Variants in ZNF862 observed in about 807,000 individuals in gnomAD.
ZNF862 encodes the protein zinc finger protein 862.
A neutral mutation model predicts 91.1 loss-of-function variants in ZNF862; 64 were observed. That is an observed-to-expected ratio of 0.70 (90% CI 0.57 to 0.87). ZNF862 has a LOEUF of 0.87. Among genes scored for constraint, ZNF862 ranks in the 40% least tolerant of loss-of-function variants. The pLI, the probability that ZNF862 is intolerant of heterozygous loss-of-function variation, is 0.00. For synonymous variants in ZNF862, 631 were observed against 618.1 expected, an observed-to-expected ratio of 1.02 and a Z score of -0.31; for missense variants, 1,459 against 1,528.0, an observed-to-expected ratio of 0.95 and a Z score of 0.75.
intron 5 of ZNF862, chr7:149,858,389 C>T (rs368789656): frequency 6.6e-6 from 1 of 152,174 alleles, no homozygotes; most frequent in African/African-American, 2.4e-5. Context: ...CAATTTAACA[C>T]ACTTTAGTAA....
At chr7:149,863,609 T>G (rs1392023648) in intron 7 of ZNF862, among the ~76,000 whole-genome samples, 1 of 152,190 alleles carries the variant, frequency 6.6e-6, no homozygotes, top group Non-Finnish European at 1.5e-5. Context: ...AAAAATGATG[T>G]CAGGTGTGCC....
chr7:149,866,996 C>T lies in ZNF862; in HGVS notation c.*2712C>T, dbSNP rs1212973526. On this transcript the variant is annotated 3_prime_UTR_variant, in exon 8 of 8. Coordinates refer to ENST00000223210, the MANE Select transcript of ZNF862 (RefSeq NM_001099220.3). Reference sequence around the variant, plus strand: ...TCTGGGAGGGGAAGAAGCATGCACTCCCGCTTTGGCTGGAGTCCCAGCGCT... The same window carrying T: ...TCTGGGAGGGGAAGAAGCATGCACTTCCGCTTTGGCTGGAGTCCCAGCGCT... The T allele has an allele frequency of 2.0e-5, 3 of 152,332 alleles. No individual in the cohort carries two copies. Among genetic ancestry groups the T allele is most frequent in the South Asian group, 4.2e-4 (2 of 4,818 alleles). 9.4% of individuals were successfully genotyped at this position (152,332 alleles called of 1,614,324 possible).
chr7:149,859,430 G>A lies in ZNF862; in HGVS notation c.1126G>A (p.Ala376Thr), dbSNP rs368754892. Residue 376 changes from alanine to threonine, a missense_variant, in exon 6 of 8, where the codon GCT becomes ACT. Physicochemically the swap from Ala to Thr is moderately conservative, Grantham distance 58. Transcript: ENST00000223210. ...YELLASLGPA[A>T]AKPDLISKLE... ...CTTCATCCTTACAACAGGACCTGCC[G>A]CTGCCAAGCCAGACTTGATCTCCAA... The A allele has an allele frequency of 7.6e-6, 12 of 1,577,770 alleles. No individual in the cohort carries two copies. Among genetic ancestry groups the A allele is most frequent in the African/African-American group, 5.4e-5 (4 of 74,072 alleles).
In ZNF862 at chr7:149,860,732, G is replaced by T; in HGVS notation, c.1572G>T (p.Ala524=). The T allele has an allele frequency of 3.1e-6, 5 of 1,613,822 alleles. No individual in the cohort carries two copies. Among genetic ancestry groups the T allele is most frequent in the Non-Finnish European group, 3.4e-6 (4 of 1,179,898 alleles). The change falls in exon 7 of 8, where the codon GCG becomes GCT. Residue 524 remains alanine, a synonymous_variant. Transcript: ENST00000223210. ...ETLKYHEVSK[A]HRLCVNTVEI... Reference sequence around the variant, plus strand: ...TAAAATACCATGAAGTCAGCAAAGCGCACAGGCTCTGTGTCAACACGGTTG... The same window carrying T: ...TAAAATACCATGAAGTCAGCAAAGCTCACAGGCTCTGTGTCAACACGGTTG...
chr7:149,847,592 GGTGTGTGTGTGTGT>G (rs10569456), intron 3 of ZNF862, 129 bp from the exon 4 acceptor site: 735 of 530,838 alleles, frequency 1.4e-3, no homozygotes, highest in South Asian at 4.8e-3. Context: ...AGAAAATTCA[GGTGTGTGTGTGTGT>G]GTGTGTGTGT....
chr7:149,859,871 T>A, intron 6 of ZNF862: 1 of 304,358 alleles, frequency 3.3e-6, no homozygotes, highest in South Asian at 6.2e-5. Context: ...TCTCCAGTGC[T>A]CGGTGACAGC....
chr7:149,840,025 A>G (rs1030654340), intron 1 of ZNF862, among the ~76,000 whole-genome samples: 1 of 152,104 alleles, frequency 6.6e-6, no homozygotes, highest in Non-Finnish European at 1.5e-5. Context: ...CATGCGCTGT[A>G]TAACAAGGTT....
intron 5 of ZNF862, among the ~76,000 whole-genome samples, chr7:149,854,574 C>A (rs1333289731): frequency 6.6e-6 from 1 of 151,936 alleles, no homozygotes; most frequent in African/African-American, 2.4e-5. Flanking sequence ...CACAACTCTG[C>A]AGGTGGGGAG....
At position 149,866,465 on chromosome 7, in the gene ZNF862, CTCT is replaced by C. The variant is rs1480482754; in HGVS notation, c.*2184_*2186del. 1 of 152,228 alleles carries C rather than the reference CTCT, an allele frequency of 6.6e-6. No homozygotes were observed. Among genetic ancestry groups the C allele is most frequent in the Non-Finnish European group, 1.5e-5 (1 of 68,076 alleles). The allele number at this position is 152,228 out of a possible 1,614,324, so 9.4% of individuals were successfully genotyped here. On this transcript the variant is annotated 3_prime_UTR_variant, in exon 8 of 8. Coordinates refer to ENST00000223210, the MANE Select transcript of ZNF862 (RefSeq NM_001099220.3). ...TTCCAGCACACATGCTTCCTGCGGC[CTCT>C]TCATCCTTGAAGAATCCCTCAGAGC... is the stretch of plus-strand genomic sequence containing the variant.
Position 149,861,800 on chromosome 7 carries a change from G to C in ZNF862, c.2640G>C (p.Glu880Asp), listed in dbSNP as rs1336341786. The change falls in exon 7 of 8, where the codon GAG (glutamate) becomes GAC (aspartate). Residue 880 changes from glutamate to aspartate, a missense_variant. By Grantham distance (45) the Glu-to-Asp change is conservative (BLOSUM62 2). Coordinates refer to ENST00000223210, the MANE Select transcript of ZNF862 (RefSeq NM_001099220.3). This position sits in a 1 kb window ranked among gnomAD's most constrained non-coding sequence, Gnocchi z 6.7. ...TGGGCCGCGCCTACGTGGCACTGGAGAGCCTCCGTCACCAGGCAGGGCCCA... is the reference window on the plus strand; with the variant it reads ...TGGGCCGCGCCTACGTGGCACTGGACAGCCTCCGTCACCAGGCAGGGCCCA... Reference protein sequence around the residue: ...ATLGRAYVALESLRHQAGPKE... With the variant: ...ATLGRAYVALDSLRHQAGPKE... The C allele has an allele frequency of 1.2e-6, 2 of 1,613,672 alleles. No individual in the cohort carries two copies. Among genetic ancestry groups the C allele is most frequent in the East Asian group, 4.5e-5 (2 of 44,856 alleles).
At chr7:149,841,230 T>A in intron 1 of ZNF862, 3 of 985,440 alleles carry the variant, frequency 3.0e-6, no homozygotes, top group Non-Finnish European at 3.6e-6. Context: ...ACTGGGAGAC[T>A]ACCTCGTGAG....
intron 1 of ZNF862, among the ~76,000 whole-genome samples, chr7:149,840,569 C>T (rs1261616865): frequency 6.6e-6 from 1 of 152,096 alleles, no homozygotes; most frequent in Non-Finnish European, 1.5e-5. Flanking sequence ...CTCACTCACT[C>T]ACCCAGAGCA....
chr7:149,857,887 G>A (rs1802316418), intron 5 of ZNF862, among the ~76,000 whole-genome samples: 1 of 152,140 alleles, frequency 6.6e-6, no homozygotes, highest in African/African-American at 2.4e-5. Context: ...TTGGTCCATA[G>A]ACATGACTCG....
Position 149,848,272 on chromosome 7 carries a change from G to A in ZNF862, c.779G>A (p.Ser260Asn). 6.2e-7 allele frequency: 1 copy of A among 1,612,038 alleles called. No individual in the cohort carries two copies. Among genetic ancestry groups the A allele is most frequent in the Non-Finnish European group, 8.5e-7 (1 of 1,178,980 alleles). ...GFDSMAELLP[S>N]SRAELEDPGG... ...GATAGCATGGCTGAGCTCCTGCCAA[G>A]TTCAAGAGCTGAACTAGAGGACCCT... Residue 260 changes from serine (S) to asparagine (N), a missense_variant, in exon 4 of 8, where the codon AGT becomes AAT. Ser to Asn is a conservative substitution (Grantham distance 46). Coordinates refer to ENST00000223210, the MANE Select transcript of ZNF862 (RefSeq NM_001099220.3).
intron 5 of ZNF862, among the ~76,000 whole-genome samples, chr7:149,856,931 G>A (rs1802285248): frequency 6.6e-6 from 1 of 152,182 alleles, no homozygotes; most frequent in Admixed American, 6.5e-5. Context: ...TTCTAGGTTG[G>A]AAATACTTTT....
chr7:149,862,714 G>A (rs1482610049), intron 7 of ZNF862, among the ~76,000 whole-genome samples: 6 of 152,368 alleles, frequency 3.9e-5, no homozygotes. Flanking sequence ...CAGAGAGCGT[G>A]CATTTCTAGA....
intron 1 of ZNF862, among the ~76,000 whole-genome samples, chr7:149,839,839 C>T (rs981068847): frequency 6.6e-6 from 1 of 152,104 alleles, no homozygotes; most frequent in African/African-American, 2.4e-5. Flanking sequence ...TTGGAAATAT[C>T]CCCAGATTGG....
chr7:149,863,803 A>G (rs147421864), intron 7 of ZNF862, among the ~76,000 whole-genome samples: 1 of 152,310 alleles, frequency 6.6e-6, no homozygotes, highest in East Asian at 1.9e-4. Context: ...AGCAGCATCC[A>G]TGGCCTCTAC....
Position 149,861,264 on chromosome 7 carries a change from T to C in ZNF862, c.2104T>C (p.Leu702=). ...GCTGGGGACGGATGGCTCAGCCATG[T>C]TGAGCTGCAGAGGAGGCCTTGTGGA... ...VGLGTDGSAM[L]SCRGGLVEKF... The change falls in exon 7 of 8, where the codon TTG becomes CTG. Residue 702 remains leucine (L), a synonymous_variant. Transcript: ENST00000223210. The surrounding 1 kb of genome is among the most constrained non-coding windows in gnomAD (Gnocchi z 6.7). 1 of 1,612,194 alleles carries C rather than the reference T, an allele frequency of 6.2e-7. No individual in the cohort carries two copies. The highest frequency in any genetic ancestry group is 1.7e-5 in the Admixed American group (1 of 59,866).
Sources: gnomAD v4.1 joint callset for allele counts (sites outside exome capture counted in the v4.1 genomes callset) on GRCh38, gnomAD v4.1.1 for gene constraint, Gnocchi (gnomAD v3.1) non-coding constraint, MANE v1.5 for transcripts, NCBI Gene and HGNC (gene_info 2026-07-23, HGNC 2026-07-21) for gene names.